The following CIB2 variants were observed in gnomAD, a reference collection of about 807,000 sequenced individuals.
The protein encoded by CIB2 is calcium and integrin binding family member 2.
In CIB2, 19 loss-of-function variants were observed where a neutral mutation model predicts 23.1. The observed-to-expected ratio is 0.82, with a 90% CI of 0.57 to 1.21. The LOEUF (loss-of-function observed/expected upper bound fraction) is 1.21. Among genes scored for constraint, CIB2 ranks in the 50% most tolerant of loss-of-function variants. The probability of loss-of-function intolerance (pLI) is 0.00; values close to 1 mark genes in which losing one functional copy is unlikely to be tolerated. For synonymous variants in CIB2, 94 were observed against 91.7 expected, an observed-to-expected ratio of 1.03 and a Z score of -0.14; for missense variants, 220 against 241.5, an observed-to-expected ratio of 0.91 and a Z score of 0.59.
In CIB2 at chr15:78,109,267, T is replaced by C; in HGVS notation, c.314A>G (p.Glu105Gly). 6.3e-7 allele frequency: 1 copy of C among 1,585,510 alleles called. No individual in the cohort carries two copies. Among genetic ancestry groups the C allele is most frequent in the Non-Finnish European group, 8.6e-7 (1 of 1,164,150 alleles). ...CTTGAAGGCATAGTTTGCCTTGAGC[T>C]CTCGGGGAGCCGACTCGCAGAGCAC... Reference protein sequence around the residue: ...FSVLCESAPRELKANYAFKIY... With the variant: ...FSVLCESAPRGLKANYAFKIY... The change falls in exon 4 of 6, where the codon GAG becomes GGG. Residue 105 changes from glutamate to glycine, a missense_variant. Transcript: ENST00000258930.
chr15:78,118,226 C>A (rs979007844), intron 2 of CIB2, among the ~76,000 whole-genome samples: 8 of 152,086 alleles, frequency 5.3e-5, no homozygotes, highest in African/African-American at 1.9e-4. Context: ...AGGCTGGTCA[C>A]TAAAATGTTA....
chr15:78,123,041 C>T (rs1353355978), intron 2 of CIB2, among the ~76,000 whole-genome samples: 3 of 152,172 alleles, frequency 2.0e-5, no homozygotes, highest in Non-Finnish European at 4.4e-5. Flanking sequence ...GTGATTCCTG[C>T]TCACCCACTG....
intron 1 of CIB2, among the ~76,000 whole-genome samples, chr15:78,130,396 C>T (rs761236120): frequency 6.6e-6 from 1 of 152,134 alleles, no homozygotes; most frequent in Non-Finnish European, 1.5e-5. Context: ...ACTGAGGCTG[C>T]AGAGATAAGC....
chr15:78,126,610 T>A (rs1267157152), intron 1 of CIB2, among the ~76,000 whole-genome samples: 1 of 152,220 alleles, frequency 6.6e-6, no homozygotes, highest in Admixed American at 6.5e-5. Context: ...TGTATTCCTA[T>A]ACTTATACAC....
chr15:78,113,721 G>A (rs1355960779), intron 2 of CIB2, among the ~76,000 whole-genome samples: 1 of 152,056 alleles, frequency 6.6e-6, no homozygotes, highest in Non-Finnish European at 1.5e-5. Context: ...TAGTAGAGAT[G>A]GGGTTTCACC....
intron 4 of CIB2, 30 bp downstream of exon 4, chr15:78,109,205 A>T: frequency 1.1e-5 from 9 of 790,466 alleles, no homozygotes; most frequent in Non-Finnish European, 1.5e-5. Flanking sequence ...CCCACCGCAT[A>T]TTCAGGCCCC....
At chr15:78,109,434 C>T (rs771832417) in intron 3 of CIB2, 52 bp from the exon 4 acceptor site, 19 of 1,608,760 alleles carry the variant, frequency 1.2e-5, no homozygotes, top group South Asian at 7.7e-5. Context: ...AGCAGGAGGG[C>T]CCCGGAGCCA....
chr15:78,118,090 AT>A (rs2074264198), intron 2 of CIB2, among the ~76,000 whole-genome samples: 2 of 152,352 alleles, frequency 1.3e-5, no homozygotes, highest in South Asian at 4.1e-4. Flanking sequence ...GTATCAGAAT[AT>A]CTAATGATAT....
intron 4 of CIB2, 82 bp from the exon 5 acceptor site, chr15:78,106,016 G>T: frequency 8.8e-7 from 1 of 1,142,260 alleles, no homozygotes; most frequent in Non-Finnish European, 1.3e-6. Context: ...CCTCCTAGCT[G>T]GCCCCACTAC....
intron 2 of CIB2, 128 bp from the exon 3 acceptor site, chr15:78,111,404 G>GGGA (rs1225119272): frequency 1.4e-6 from 1 of 689,840 alleles, no homozygotes; most frequent in East Asian, 2.8e-5. Context: ...AGGGGCCAAT[G>GGGA]GGAGGCTCTC....
intron 1 of CIB2, among the ~76,000 whole-genome samples, chr15:78,125,066 G>A (rs954141562): frequency 4.6e-5 from 7 of 152,120 alleles, no homozygotes; most frequent in Non-Finnish European, 1.0e-4. Flanking sequence ...TTGGAAACAC[G>A]AGGGGTTCTC....
At chr15:78,109,197 C>CT (rs2074115456) in intron 4 of CIB2, 38 bp downstream of exon 4, 2 of 1,273,610 alleles carry the variant, frequency 1.6e-6, no homozygotes, top group Non-Finnish European at 2.2e-6. Context: ...CATGTTCCCC[C>CT]ACCGCATATT....
chr15:78,110,777 G>A (rs1280462026), intron 3 of CIB2: 1 of 458,992 alleles, frequency 2.2e-6, no homozygotes, highest in East Asian at 6.9e-5. Flanking sequence ...GTTAAAGTCT[G>A]AGAAATGATG....
At chr15:78,122,929 C>G (rs929136135) in intron 2 of CIB2, among the ~76,000 whole-genome samples, 13 of 152,212 alleles carry the variant, frequency 8.5e-5, no homozygotes, top group African/African-American at 3.1e-4. Context: ...CCAGCCTGAC[C>G]ATCGATCTCC....
At chr15:78,129,336 A>G (rs943108173) in intron 1 of CIB2, among the ~76,000 whole-genome samples, 1 of 152,120 alleles carries the variant, frequency 6.6e-6, no homozygotes, top group Non-Finnish European at 1.5e-5. Flanking sequence ...GAATCAGAAC[A>G]TAACACTGGG....
At chr15:78,123,861 C>A in intron 1 of CIB2, 122 bp from the exon 2 acceptor site, 1 of 1,110,654 alleles carries the variant, frequency 9.0e-7, no homozygotes, top group Non-Finnish European at 1.4e-6. Context: ...AGAGTCACTA[C>A]TATCCCTTTC....
At chr15:78,113,897 C>T (rs1009645088) in intron 2 of CIB2, among the ~76,000 whole-genome samples, 8 of 152,184 alleles carry the variant, frequency 5.3e-5, no homozygotes, top group African/African-American at 1.4e-4. Context: ...CTTGACCCCA[C>T]CTCATATGTG....
At chr15:78,107,221 C>T (rs539545619) in intron 4 of CIB2, among the ~76,000 whole-genome samples, 110 of 151,972 alleles carry the variant, frequency 7.2e-4, no homozygotes, top group African/African-American at 2.6e-3. Flanking sequence ...GTTGACAGAG[C>T]GAGACTCTAT....
At chr15:78,116,085 T>A (rs915541991) in intron 2 of CIB2, among the ~76,000 whole-genome samples, 3 of 152,122 alleles carry the variant, frequency 2.0e-5, no homozygotes, top group African/African-American at 7.2e-5. Flanking sequence ...ATAGCAACTC[T>A]TTACACAGCA....
Sources: allele counts gnomAD v4.1 joint callset (sites outside exome capture counted in the v4.1 genomes callset), GRCh38; gene constraint gnomAD v4.1.1; transcripts MANE v1.5; gene names NCBI Gene and HGNC (gene_info 2026-07-23, HGNC 2026-07-21).